The following RABL3 variants were observed in gnomAD, a reference collection of about 807,000 sequenced individuals.
The protein encoded by RABL3 is rab-like protein 3.
RABL3 carries 31 observed loss-of-function variants against 31.8 expected under a neutral mutation model. The ratio of observed to expected loss-of-function variants is 0.97; its 90% CI spans 0.73 to 1.31. The LOEUF (loss-of-function observed/expected upper bound fraction) is 1.31, where lower values mean the gene tolerates loss of function less well. RABL3 is among the 40% of genes most tolerant of loss of function. RABL3 has a pLI of 0.00. For synonymous variants in RABL3, 97 were observed against 99.9 expected, an observed-to-expected ratio of 0.97 and a Z score of 0.18; for missense variants, 263 against 279.6, an observed-to-expected ratio of 0.94 and a Z score of 0.42.
chr3:120,739,106 C>T (rs904833660), intron 1 of RABL3, among the ~76,000 whole-genome samples: 13 of 152,144 alleles, frequency 8.5e-5, no homozygotes, highest in East Asian at 1.9e-4. Flanking sequence ...TGGCCAGGTG[C>T]GTTGGCTCAC....
rs907018828 is a variant in RABL3, at chr3:120,713,540, G to A, written c.139-3631C>T. On this transcript the variant is annotated intron_variant, in intron 2 of 7. Coordinates refer to ENST00000273375, the MANE Select transcript of RABL3 (RefSeq NM_173825.5). ...GGGAGGTAATGCCAAACTATGAGAA[G>A]TGTGTTTTATATTTAAAGCAGGTCA... Among the ~76,000 whole-genome samples the A allele has an allele frequency of 2.0e-5, 3 of 152,180 alleles. No individual in the cohort carries two copies. The East Asian group carries it at 5.8e-4, about 29-fold the overall frequency.
Position 120,689,791 on chromosome 3 carries a change from G to C in RABL3, c.*32C>G. 1 of 1,494,862 alleles carries C rather than the reference G, an allele frequency of 6.7e-7. No individual in the cohort carries two copies. Among genetic ancestry groups the C allele is most frequent in the Non-Finnish European group, 9.3e-7 (1 of 1,073,274 alleles). 92.6% of individuals were successfully genotyped at this position (1,494,862 alleles called of 1,614,324 possible). On this transcript the variant is annotated 3_prime_UTR_variant, in exon 8 of 8. Coordinates refer to ENST00000273375, the MANE Select transcript of RABL3 (RefSeq NM_173825.5). ...AGATGAGCTGTGAAAAACTGCCACTGCTTGCTCACTCTTCCAAAGGATGAG... is the reference window on the plus strand; with the variant it reads ...AGATGAGCTGTGAAAAACTGCCACTCCTTGCTCACTCTTCCAAAGGATGAG...
chr3:120,740,361 A>C (rs905508731), intron 1 of RABL3, among the ~76,000 whole-genome samples: 3 of 152,142 alleles, frequency 2.0e-5, no homozygotes, highest in African/African-American at 7.2e-5. Context: ...TCCTGGGCTC[A>C]AGTGATCTTC....
At chr3:120,727,042 T>C (rs1042040797) in intron 2 of RABL3, among the ~76,000 whole-genome samples, 2 of 152,028 alleles carry the variant, frequency 1.3e-5, no homozygotes, top group Non-Finnish European at 2.9e-5. Context: ...TGTGCTTAGA[T>C]AGAAATTTTA....
chr3:120,694,096 T>G (rs1708409439), intron 6 of RABL3, 57 bp downstream of exon 6: 3 of 1,174,014 alleles, frequency 2.6e-6, no homozygotes, highest in Non-Finnish European at 3.7e-6. Flanking sequence ...ACAAAAAAAT[T>G]TTAAACTCTC....
In RABL3 at chr3:120,694,139, A is replaced by C. The variant is rs373129757; in HGVS notation, c.606+14T>G. Reference sequence around the variant, plus strand: ...ATAAATTAAGTTTAAAAATAACTTAATTGAAACCATTACCTTATCAAAAAA... The same window carrying C: ...ATAAATTAAGTTTAAAAATAACTTACTTGAAACCATTACCTTATCAAAAAA... On this transcript the variant is annotated intron_variant, in intron 6 of 7. Transcript: ENST00000273375. 2.6e-6 allele frequency: 4 copies of C among 1,544,334 alleles called. No individual in the cohort carries two copies. Among genetic ancestry groups the C allele is most frequent in the Non-Finnish European group, 3.6e-6 (4 of 1,126,538 alleles).
At chr3:120,689,923 A>G in intron 7 of RABL3, 35 bp from the exon 8 acceptor site, 1 of 1,524,976 alleles carries the variant, frequency 6.6e-7, no homozygotes, top group Non-Finnish European at 9.1e-7. Context: ...TTAAGTCTCA[A>G]GCAATAAAAG....
chr3:120,692,069 CAAG>C (rs1708385924), intron 6 of RABL3, among the ~76,000 whole-genome samples: 1 of 152,198 alleles, frequency 6.6e-6, no homozygotes, highest in Non-Finnish European at 1.5e-5. Flanking sequence ...CCACAAAAAC[CAAG>C]AAGGAGACTG....
At chr3:120,701,565 T>C (rs1052318510) in intron 4 of RABL3, among the ~76,000 whole-genome samples, 5 of 152,042 alleles carry the variant, frequency 3.3e-5, no homozygotes, top group Non-Finnish European at 5.9e-5. Context: ...TAGTAGAAAA[T>C]AGAGAACAAG....
chr3:120,736,625 C>T (rs1295227617), intron 1 of RABL3, among the ~76,000 whole-genome samples: 1 of 152,270 alleles, frequency 6.6e-6, no homozygotes, highest in Middle Eastern at 3.4e-3. Flanking sequence ...TTCTTCCTAG[C>T]CTCAATGGTC....
chr3:120,696,592 AACACAC>A (rs3037698), intron 5 of RABL3, among the ~76,000 whole-genome samples: 69,751 of 147,372 alleles, frequency 0.47, 18,610 homozygotes, highest in East Asian at 0.91. Flanking sequence ...AAGTAGGAAT[AACACAC>A]ACACACACAC....
Position 120,694,212 on chromosome 3 carries a change from G to T in RABL3, c.547C>A (p.Pro183Thr), listed in dbSNP as rs1442835271. ...PEEINLDCTN[P>T]RYLAAGSSNA... ...GAAGAACCTGCAGCTAAGTACCGTG[G>T]ATTTGTGCAGTCCTAGAAGATAAAA... The change falls in exon 6 of 8, where the codon CCA (proline) becomes ACA (threonine). Residue 183 changes from proline (P) to threonine (T), a missense_variant. Coordinates refer to ENST00000273375, the MANE Select transcript of RABL3 (RefSeq NM_173825.5). The T allele has an allele frequency of 6.2e-7, 1 of 1,609,730 alleles. No individual in the cohort carries two copies. The highest frequency in any genetic ancestry group is 1.3e-5 in the African/African-American group (1 of 74,854).
chr3:120,719,582 C>G (rs1485401880), intron 2 of RABL3, among the ~76,000 whole-genome samples: 1 of 152,210 alleles, frequency 6.6e-6, no homozygotes, highest in Admixed American at 6.5e-5. Flanking sequence ...GGTCCTACGC[C>G]CACGAAGCCT....
chr3:120,692,807 A>C (rs1017771674), intron 6 of RABL3, among the ~76,000 whole-genome samples: 1 of 152,136 alleles, frequency 6.6e-6, no homozygotes, highest in African/African-American at 2.4e-5. Context: ...AGTATATCTT[A>C]TTTTTTAATT....
chr3:120,742,537 T>A, upstream of RABL3: 1 of 1,612,884 alleles, frequency 6.2e-7, no homozygotes, highest in Non-Finnish European at 8.5e-7. Context: ...GGTTAACGCC[T>A]GTTCCTGGAT....
intron 5 of RABL3, among the ~76,000 whole-genome samples, chr3:120,695,091 T>C (rs990237940): frequency 6.6e-6 from 1 of 151,828 alleles, no homozygotes; most frequent in Non-Finnish European, 1.5e-5. Flanking sequence ...AAGTATGAAA[T>C]TTTGTCTTTT....
intron 5 of RABL3, among the ~76,000 whole-genome samples, chr3:120,696,523 C>A (rs1708439293): frequency 6.6e-6 from 1 of 151,924 alleles, no homozygotes; most frequent in African/African-American, 2.4e-5. Context: ...TAAAGTCTCA[C>A]TACCTGAGTA....
intron 1 of RABL3, among the ~76,000 whole-genome samples, chr3:120,735,634 G>A (rs909837574): frequency 6.6e-6 from 1 of 151,972 alleles, no homozygotes; most frequent in African/African-American, 2.4e-5. Flanking sequence ...TAATTGTGAT[G>A]TTAGGGTGTC....
At chr3:120,705,059 C>A (rs981510945) in intron 4 of RABL3, among the ~76,000 whole-genome samples, 1 of 152,010 alleles carries the variant, frequency 6.6e-6, no homozygotes, top group Non-Finnish European at 1.5e-5. Flanking sequence ...AAACAATTTA[C>A]AATAGCTTAA....
Sources: allele counts gnomAD v4.1 joint callset (sites outside exome capture counted in the v4.1 genomes callset), GRCh38; gene constraint gnomAD v4.1.1; transcripts MANE v1.5; gene names NCBI Gene and HGNC (gene_info 2026-07-23, HGNC 2026-07-21).